Variants in LAMA3 observed in about 807,000 individuals in gnomAD.
The protein encoded by LAMA3 is laminin subunit alpha-3.
LAMA3 carries 281 observed loss-of-function variants against 402.0 expected under a neutral mutation model. The observed-to-expected ratio is 0.70, with a 90% CI of 0.63 to 0.77. The LOEUF (loss-of-function observed/expected upper bound fraction) is 0.77. LAMA3 is among the 30% of genes least tolerant of loss of function. The pLI, the probability that LAMA3 is intolerant of heterozygous loss-of-function variation, is 0.00. For missense variants in LAMA3, 3,840 were observed against 4,215.5 expected (o/e 0.91, Z 2.47); for synonymous variants, 1,431 against 1,558.4 (o/e 0.92, Z 1.93).
In LAMA3 at chr18:23,894,974, C is replaced by T. The variant is rs756010680; in HGVS notation, c.5529C>T (p.Val1843=). The part of the protein sequence containing the change: ...LATMGEQLRL[V]KSQLQGLSAS... Reference sequence around the variant, plus strand: ...CCATGGGCGAGCAGCTCCGCCTGGTCAAGTCTCAGCTGCAGGGCCTGAGTG... The same window carrying T: ...CCATGGGCGAGCAGCTCCGCCTGGTTAAGTCTCAGCTGCAGGGCCTGAGTG... Residue 1843 remains valine, a synonymous_variant, in exon 44 of 75, where the codon GTC becomes GTT. Coordinates refer to ENST00000313654, the MANE Select transcript of LAMA3 (RefSeq NM_198129.4). 3 of 1,614,018 alleles carry T rather than the reference C, an allele frequency of 1.9e-6. No individual in the cohort carries two copies.
At chr18:23,921,358 G>C in intron 61 of LAMA3, 94 bp from the exon 62 acceptor site, 1 of 1,353,954 alleles carries the variant, frequency 7.4e-7, no homozygotes, top group South Asian at 1.4e-5. Context: ...ATGAATCTGG[G>C]GGAAGATAAA....
In LAMA3 at chr18:23,784,013, T is replaced by A. The variant is rs200287938; in HGVS notation, c.1469-10T>A. 2.5e-5 allele frequency: 41 copies of A among 1,614,002 alleles called. No individual in the cohort carries two copies. Among genetic ancestry groups the A allele is most frequent in the Middle Eastern group, 3.3e-4 (2 of 6,084 alleles). On this transcript the variant is annotated splice_polypyrimidine_tract_variant and intron_variant, in intron 11 of 74. Transcript: ENST00000313654. Reference sequence around the variant, plus strand: ...GGAGACCCCTTCTGAAAGTTTCCTGTCTTCTGCAGGGTGTGACTGTAATCT... The same window carrying A: ...GGAGACCCCTTCTGAAAGTTTCCTGACTTCTGCAGGGTGTGACTGTAATCT...
At position 23,904,567 on chromosome 18, in the gene LAMA3, C is replaced by A. The variant is rs1454434227; in HGVS notation, c.6488C>A (p.Ala2163Asp). ...AKQLEEIKRN[A>D]SGDELVRCAV... ...CTGTCTTCCAGGATCAAGAGAAACG[C>A]CAGCGGGGATGAGCTGGTGCGCTGT... The change falls in exon 51 of 75, where the codon GCC becomes GAC. Residue 2163 changes from alanine (A) to aspartate (D), a missense_variant. Ala to Asp is a moderately radical substitution (Grantham distance 126). Transcript: ENST00000313654. 10 of 1,598,642 alleles carry A rather than the reference C, an allele frequency of 6.3e-6. No homozygotes were observed. The highest frequency in any genetic ancestry group is 6.0e-6 in the Non-Finnish European group (7 of 1,172,646).
At chr18:23,787,756 G>A (rs1242527964) in intron 12 of LAMA3, among the ~76,000 whole-genome samples, 1 of 152,108 alleles carries the variant, frequency 6.6e-6, no homozygotes, top group African/African-American at 2.4e-5. Flanking sequence ...GCTAAGTAAA[G>A]ACTTTCTCAG....
intron 23 of LAMA3, among the ~76,000 whole-genome samples, chr18:23,829,614 G>C (rs1454705959): frequency 1.3e-5 from 2 of 152,246 alleles, no homozygotes; most frequent in African/African-American, 4.8e-5. Flanking sequence ...AAATTCCATA[G>C]CTTCTTTTAA....
At chr18:23,714,247 C>G (rs978778870) in intron 2 of LAMA3, among the ~76,000 whole-genome samples, 175 bp downstream of exon 2, 1 of 152,182 alleles carries the variant, frequency 6.6e-6, no homozygotes, top group Non-Finnish European at 1.5e-5. Context: ...AGGCCAGGCA[C>G]AGTGGCTCAT....
chr18:23,763,660 A>G, intron 8 of LAMA3, 137 bp downstream of exon 8: 1 of 745,002 alleles, frequency 1.3e-6, no homozygotes, highest in Non-Finnish European at 2.5e-6. Context: ...ACTGTTGCTC[A>G]CACAAGGCCT....
intron 12 of LAMA3, among the ~76,000 whole-genome samples, chr18:23,796,319 C>A (rs748277531): frequency 6.6e-6 from 1 of 152,210 alleles, no homozygotes; most frequent in African/African-American, 2.4e-5. Flanking sequence ...AGTGCTCTGA[C>A]TGGCCAAACC....
chr18:23,811,283 T>G (rs1598839179), intron 13 of LAMA3, among the ~76,000 whole-genome samples: 1 of 152,176 alleles, frequency 6.6e-6, no homozygotes, highest in East Asian at 1.9e-4. Flanking sequence ...CGGAGAACTC[T>G]TGCTACTGTG....
chr18:23,789,275 A>T (rs1380764944), intron 12 of LAMA3, among the ~76,000 whole-genome samples: 1 of 152,210 alleles, frequency 6.6e-6, no homozygotes, highest in Non-Finnish European at 1.5e-5. Context: ...TTCCTGAAAA[A>T]GTTAAACATA....
chr18:23,914,102 C>G (rs145689528), intron 56 of LAMA3, among the ~76,000 whole-genome samples: 2 of 152,262 alleles, frequency 1.3e-5, no homozygotes, highest in Non-Finnish European at 2.9e-5. Context: ...CCTTACCAGA[C>G]TAAAATCTGT....
Position 23,749,495 on chromosome 18 carries a change from T to C in LAMA3, c.633T>C (p.Asp211=). Residue 211 remains aspartate, a synonymous_variant, in exon 4 of 75, where the codon GAT becomes GAC. Coordinates refer to ENST00000313654, the MANE Select transcript of LAMA3 (RefSeq NM_198129.4). ...ATATGGCTGTCACCCGGGATGATGA[T>C]GTACTTTGTGTTACTGAATATTCCC... ...EANMAVTRDD[D]VLCVTEYSRI... is the part of the protein sequence containing the mutation. The C allele has an allele frequency of 9.3e-6, 15 of 1,613,380 alleles. No individual in the cohort carries two copies. The highest frequency in any genetic ancestry group is 1.1e-5 in the Non-Finnish European group (13 of 1,179,272).
intron 2 of LAMA3, among the ~76,000 whole-genome samples, chr18:23,714,389 G>A (rs1348599691): frequency 3.9e-5 from 6 of 151,990 alleles, no homozygotes; most frequent in Non-Finnish European, 7.4e-5. Context: ...GTGTGGTGGC[G>A]GATGCGTGTA....
At chr18:23,706,806 C>A (rs9951588) in intron 1 of LAMA3, among the ~76,000 whole-genome samples, 1 of 152,106 alleles carries the variant, frequency 6.6e-6, no homozygotes, top group Non-Finnish European at 1.5e-5. Context: ...TGGCCAGGTG[C>A]GGTGGCTCAC....
chr18:23,714,135 C>T, intron 2 of LAMA3, 63 bp downstream of exon 2: 1 of 1,415,454 alleles, frequency 7.1e-7, no homozygotes, highest in Non-Finnish European at 9.9e-7. Context: ...ATGGGGATTT[C>T]TGATATAATA....
chr18:23,862,501 G>C (rs1384247416), intron 35 of LAMA3, among the ~76,000 whole-genome samples: 1 of 152,156 alleles, frequency 6.6e-6, no homozygotes, highest in Non-Finnish European at 1.5e-5. Flanking sequence ...CTCACATTAG[G>C]AAGACTAAAA....
chr18:23,857,924 A>G lies in LAMA3; in HGVS notation c.4217A>G (p.Asn1406Ser). The change falls in exon 33 of 75, where the codon AAT (asparagine) becomes AGT (serine). Residue 1406 changes from asparagine (N) to serine (S), a missense_variant. This residue lies in a region of LAMA3 where 2,109 missense variants were observed against 2,376.0 expected (regional missense o/e 0.89). Transcript: ENST00000313654. ...CGCTTTCCTGAGTGTGTTCCCTGCAATTGCAACAGAGATGGGACTGAGCCA... is the reference window on the plus strand; with the variant it reads ...CGCTTTCCTGAGTGTGTTCCCTGCAGTTGCAACAGAGATGGGACTGAGCCA... ...FYRFPECVPC[N>S]CNRDGTEPGV... The G allele has an allele frequency of 6.2e-7, 1 of 1,614,204 alleles. No homozygotes were observed. Among genetic ancestry groups the G allele is most frequent in the Non-Finnish European group, 8.5e-7 (1 of 1,180,034 alleles).
In LAMA3 at chr18:23,746,662, A is replaced by C. The variant is rs189671268; in HGVS notation, c.448-1281A>C. ...ACATGTAAAATGTTTGTTATATTAAATGAATTAATAGTATATCTAAAAGTT... is the reference window on the plus strand; with the variant it reads ...ACATGTAAAATGTTTGTTATATTAACTGAATTAATAGTATATCTAAAAGTT... On this transcript the variant is annotated intron_variant, in intron 2 of 74. Transcript: ENST00000313654. Among the ~76,000 whole-genome samples the C allele has an allele frequency of 1.2e-4, 19 of 152,268 alleles. No individual in the cohort carries two copies. In the East Asian group the frequency reaches 3.7e-3, roughly 29 times the overall value.
At chr18:23,916,465 A>G in intron 59 of LAMA3, 86 bp from the exon 60 acceptor site, 1 of 1,478,186 alleles carries the variant, frequency 6.8e-7, no homozygotes, top group Non-Finnish European at 9.5e-7. Context: ...TCCATTTTTC[A>G]GATAGCAACA....
Sources: allele counts gnomAD v4.1 joint callset (sites outside exome capture counted in the v4.1 genomes callset), GRCh38; gene constraint gnomAD v4.1.1; regional missense constraint gnomAD v4.1.1; transcripts MANE v1.5; gene names NCBI Gene and HGNC (gene_info 2026-07-23, HGNC 2026-07-21).